Variants in DQX1 observed in about 807,000 individuals in gnomAD.
DQX1 encodes the protein DEAQ-box RNA dependent ATPase 1.
A neutral mutation model predicts 81.3 loss-of-function variants in DQX1; 66 were observed. The ratio of observed to expected loss-of-function variants is 0.81; its 90% CI spans 0.67 to 1.00. The LOEUF (loss-of-function observed/expected upper bound fraction) is 1.00. Ranked by LOEUF, DQX1 falls within the 50% of genes least tolerant of loss-of-function variation. The pLI is 0.00. For missense variants in DQX1, 798 were observed against 867.9 expected (o/e 0.92, Z 1.01); for synonymous variants, 290 against 350.0 (o/e 0.83, Z 1.91).
At chr2:74,520,173 GCA>G in intron 8 of DQX1, 139 bp from the exon 9 acceptor site, 1 of 1,137,036 alleles carries the variant, frequency 8.8e-7, no homozygotes, top group Admixed American at 2.8e-5. Flanking sequence ...TAGGTGCTAT[GCA>G]CTTTATTAAA....
intron 8 of DQX1, among the ~76,000 whole-genome samples, chr2:74,522,339 G>A (rs1675049762): frequency 6.6e-6 from 1 of 152,146 alleles, no homozygotes; most frequent in African/African-American, 2.4e-5. Context: ...TGAGGAAGAG[G>A]GGTGTGTGAG....
chr2:74,523,255 A>G (rs777952294), intron 5 of DQX1, 37 bp from the exon 6 acceptor site: 2 of 1,613,988 alleles, frequency 1.2e-6, no homozygotes, highest in Non-Finnish European at 1.7e-6. Context: ...AAGACAGATC[A>G]GAGTGGGCCA....
At chr2:74,519,309 G>T in intron 10 of DQX1, 79 bp from the exon 11 acceptor site, 1 of 1,453,480 alleles carries the variant, frequency 6.9e-7, no homozygotes, top group African/African-American at 1.4e-5. Flanking sequence ...AGGGGATTGA[G>T]AAAGAGTAAG....
rs1470456506 is a variant in DQX1 at position 74,525,636 on chromosome 2, A to G, written c.94T>C (p.Ser32Pro). 3 of 1,551,680 alleles carry G rather than the reference A, an allele frequency of 1.9e-6. No homozygotes were observed. Among genetic ancestry groups the G allele is most frequent in the Non-Finnish European group, 2.6e-6 (3 of 1,147,030 alleles). Residue 32 changes from serine (S) to proline (P), a missense_variant, in exon 2 of 12, where the codon TCT (serine) becomes CCT (proline). Coordinates refer to ENST00000404568, the MANE Select transcript of DQX1 (RefSeq NM_133637.3). The surrounding 1 kb of genome is among the most constrained non-coding windows in gnomAD (Gnocchi z 4.1). ...AVNPFDGLPF[S>P]SRYYELLKQR... is the part of the protein sequence containing the mutation. ...TTCAGCAGCTCATAGTAGCGGGAAG[A>G]GAAGGGAAGCCCATCAAAGGGGTTC...
Position 74,525,646 on chromosome 2 carries a change from C to T in DQX1, c.84G>A (p.Gly28=), listed in dbSNP as rs1166613804. ...ESELAVNPFD[G]LPFSSRYYEL... is the part of the protein sequence containing the mutation. ...CATAGTAGCGGGAAGAGAAGGGAAG[C>T]CCATCAAAGGGGTTCACAGCCAGTT... is the stretch of plus-strand genomic sequence containing the variant. Residue 28 remains glycine, a synonymous_variant, in exon 2 of 12, where the codon GGG becomes GGA. Coordinates refer to ENST00000404568, the MANE Select transcript of DQX1 (RefSeq NM_133637.3). The surrounding 1 kb of genome is among the most constrained non-coding windows in gnomAD (Gnocchi z 4.1). 3.9e-6 allele frequency: 6 copies of T among 1,551,768 alleles called. No homozygotes were observed. In the South Asian group the frequency reaches 4.8e-5, roughly 12 times the overall value.
In DQX1 at chr2:74,519,954, G is replaced by A; in HGVS notation, c.1576C>T (p.His526Tyr). The change falls in exon 9 of 12, where the codon CAC (histidine) becomes TAC (tyrosine). Residue 526 changes from histidine to tyrosine, a missense_variant. Coordinates refer to ENST00000404568, the MANE Select transcript of DQX1 (RefSeq NM_133637.3). ...TCATACACCTGGATCAGAGAACTGT[G>A]GTCACCATCCGTGTGTTCCAGGGCC... is the stretch of plus-strand genomic sequence containing the variant. ...RRALEHTDGDHSSLIQVYEAF... is the reference protein window; with the variant it reads ...RRALEHTDGDYSSLIQVYEAF... 6.2e-7 allele frequency: 1 copy of A among 1,614,188 alleles called. No individual in the cohort carries two copies.
Position 74,523,378 on chromosome 2 carries a change from G to T in DQX1, c.976C>A (p.Leu326Met). The part of the protein sequence containing the change: ...DARKVVVTHW[L>M]ADFSFSLPSI... ...GGGAGGGAGAAGGAGAAGTCAGCCAGCCAGTGAGTGACCACAACCTTTCGG... is the reference window on the plus strand; with the variant it reads ...GGGAGGGAGAAGGAGAAGTCAGCCATCCAGTGAGTGACCACAACCTTTCGG... The change falls in exon 5 of 12, where the codon CTG (leucine) becomes ATG (methionine). Residue 326 changes from leucine to methionine, a missense_variant. Transcript: ENST00000404568. 6.2e-7 allele frequency: 1 copy of T among 1,614,184 alleles called. No individual in the cohort carries two copies.
intron 10 of DQX1, 42 bp from the exon 11 acceptor site, chr2:74,519,272 A>G: frequency 6.6e-7 from 1 of 1,522,140 alleles, no homozygotes; most frequent in Non-Finnish European, 8.8e-7. Context: ...AATAAAAGGG[A>G]AGAGGCAGGC....
chr2:74,523,279 T>C, intron 5 of DQX1, 31 bp downstream of exon 5: 1 of 1,614,098 alleles, frequency 6.2e-7, no homozygotes, highest in East Asian at 2.2e-5. Context: ...CTGTCTTTAC[T>C]ACCCCACCGC....
At chr2:74,521,331 G>C (rs933887567) in intron 8 of DQX1, among the ~76,000 whole-genome samples, 7 of 152,124 alleles carry the variant, frequency 4.6e-5, no homozygotes, top group Non-Finnish European at 7.4e-5. Context: ...TCTGAGCTGA[G>C]GTACTGTTAA....
intron 8 of DQX1, among the ~76,000 whole-genome samples, chr2:74,522,006 T>C (rs1675043267): frequency 6.6e-6 from 1 of 151,970 alleles, no homozygotes; most frequent in Admixed American, 6.5e-5. Context: ...CAATTTACAA[T>C]GGATAAGAAG....
chr2:74,523,571 T>C (rs1675096588), intron 4 of DQX1, 34 bp from the exon 5 acceptor site: 1 of 1,594,822 alleles, frequency 6.3e-7, no homozygotes, highest in African/African-American at 1.3e-5. Context: ...ATTAGGGCAG[T>C]TCTCACGTTT....
Position 74,523,996 on chromosome 2 carries a change from G to A in DQX1, c.743C>T (p.Ala248Val). Residue 248 changes from alanine (A) to valine (V), a missense_variant, in exon 4 of 12, where the codon GCC becomes GTC. Coordinates refer to ENST00000404568, the MANE Select transcript of DQX1 (RefSeq NM_133637.3). ...ACACAATTCAAGCACTGCTTGGCAGGCAGCTTCCACCCGATCAGGTGGGAT... is the reference window on the plus strand; with the variant it reads ...ACACAATTCAAGCACTGCTTGGCAGACAGCTTCCACCCGATCAGGTGGGAT... ...DTIPPDRVEA[A>V]CQAVLELCRK... The A allele has an allele frequency of 6.2e-7, 1 of 1,614,010 alleles. No homozygotes were observed. Among genetic ancestry groups the A allele is most frequent in the Non-Finnish European group, 8.5e-7 (1 of 1,179,900 alleles).
chr2:74,521,062 T>C (rs1182623134), intron 8 of DQX1, among the ~76,000 whole-genome samples: 1 of 152,098 alleles, frequency 6.6e-6, no homozygotes, highest in Non-Finnish European at 1.5e-5. Flanking sequence ...AGCTGAGCAA[T>C]GAGGAGGACC....
rs1296472565 is a variant in DQX1 at position 74,519,639 on chromosome 2, G to T, written c.1723C>A (p.Leu575Ile). Residue 575 changes from leucine (L) to isoleucine (I), a missense_variant, in exon 10 of 12, where the codon CTT becomes ATT. Coordinates refer to ENST00000404568, the MANE Select transcript of DQX1 (RefSeq NM_133637.3). ...CCAAAGGCTGGTAGGGACAAGGGAA[G>T]TTCAATTCGTTGCATGAGTTCTAGG... ...ELLELMQRIE[L>I]PLSLPAFGSE... is the part of the protein sequence containing the mutation. The T allele has an allele frequency of 2.5e-6, 4 of 1,614,134 alleles. No homozygotes were observed. In the Admixed American group the frequency reaches 5.0e-5, roughly 20 times the overall value.
chr2:74,522,961 A>G lies in DQX1; in HGVS notation c.1198T>C (p.Leu400=), dbSNP rs372058865. ...KSFLELEAPP[L]PQPRVCEENL... ...TCCTCACACACCCTGGGTTGTGGCA[A>G]TGGTGGAGCTTCTAGTTCTAAGAAG... is the stretch of plus-strand genomic sequence containing the variant. The change falls in exon 7 of 12, where the codon TTG becomes CTG. Residue 400 remains leucine, a synonymous_variant. Transcript: ENST00000404568. 8 of 1,614,018 alleles carry G rather than the reference A, an allele frequency of 5.0e-6. No homozygotes were observed. The highest frequency in any genetic ancestry group is 1.1e-5 in the South Asian group (1 of 91,088).
rs191662311 is a variant in DQX1 at position 74,520,405 on chromosome 2, A to T, written c.1496-371T>A. ...CCCTTGGGCTAGTATTTGAAATTTG[A>T]GTAGGAATTAGCCGAGTGGAGACGG... On this transcript the variant is annotated intron_variant, in intron 8 of 11. Transcript: ENST00000404568. 7.7e-4 allele frequency among the ~76,000 whole-genome samples: 117 copies of T among 152,294 alleles called. 1 individual carries two copies. Among genetic ancestry groups the T allele is most frequent in the African/African-American group, 2.7e-3 (112 of 41,552 alleles).
At chr2:74,524,685 G>A (rs1675125974) in intron 3 of DQX1, among the ~76,000 whole-genome samples, 2 of 152,080 alleles carry the variant, frequency 1.3e-5, no homozygotes, top group African/African-American at 2.4e-5. Flanking sequence ...GATCACTTGA[G>A]CCCAGGAGTT....
chr2:74,524,968 A>G (rs774353024), intron 3 of DQX1, 41 bp downstream of exon 3: 11 of 1,580,138 alleles, frequency 7.0e-6, no homozygotes, highest in Non-Finnish European at 9.5e-6. Context: ...TCTACTGAAT[A>G]AGGGGAATTA....
Sources: allele counts gnomAD v4.1 joint callset (sites outside exome capture counted in the v4.1 genomes callset), GRCh38; gene constraint gnomAD v4.1.1; non-coding constraint Gnocchi (gnomAD v3.1); transcripts MANE v1.5; gene names NCBI Gene and HGNC (gene_info 2026-07-23, HGNC 2026-07-21).